The following FHIT variants were observed in gnomAD, a reference collection of about 807,000 sequenced individuals.
FHIT encodes the protein bis(5'-adenosyl)-triphosphatase.
FHIT carries 19 observed loss-of-function variants against 17.9 expected under a neutral mutation model. That is an observed-to-expected ratio of 1.06 (90% confidence interval 0.74 to 1.56). The LOEUF is 1.56. FHIT is among the 40% of genes most tolerant of loss of function. The pLI, the probability that FHIT is intolerant of heterozygous loss-of-function variation, is 0.00. For synonymous variants in FHIT, 81 were observed against 69.7 expected (o/e 1.16, Z -0.81); for missense variants, 248 against 189.2 (o/e 1.31, Z -1.82).
At chr3:60,799,810 C>A (rs1418334864) in intron 4 of FHIT, among the ~76,000 whole-genome samples, 3 of 152,134 alleles carry the variant, frequency 2.0e-5, no homozygotes, top group African/African-American at 7.2e-5. Flanking sequence ...TCCTTCACAG[C>A]CATAGGAAGA....
chr3:60,370,330 C>T (rs1700277934), intron 5 of FHIT, among the ~76,000 whole-genome samples: 1 of 152,190 alleles, frequency 6.6e-6, no homozygotes, highest in African/African-American at 2.4e-5. Context: ...ACACTTTCAG[C>T]TATCTTAGAA....
intron 2 of FHIT, among the ~76,000 whole-genome samples, chr3:61,136,807 TATA>T (rs141019288): frequency 9.1e-4 from 139 of 152,310 alleles, no homozygotes; most frequent in African/African-American, 3.2e-3. Context: ...ATCATGCTGT[TATA>T]ATAATTAGGA....
At chr3:60,625,195 G>A (rs891373675) in intron 4 of FHIT, among the ~76,000 whole-genome samples, 11 of 152,132 alleles carry the variant, frequency 7.2e-5, no homozygotes, top group Non-Finnish European at 1.6e-4. Context: ...AGGCATGAAC[G>A]ACCACGCCTG....
intron 2 of FHIT, among the ~76,000 whole-genome samples, chr3:61,140,029 A>AT (rs1165255176): frequency 6.6e-6 from 1 of 152,026 alleles, no homozygotes; most frequent in East Asian, 1.9e-4. Context: ...AAGCAAAAAA[A>AT]AAAAAAAAAT....
Position 60,458,951 on chromosome 3 carries a change from AT to A in FHIT, c.103+77908del, listed in dbSNP as rs5742127. Among the ~76,000 whole-genome samples, 651 of 147,610 alleles carry A rather than the reference AT, an allele frequency of 4.4e-3. 2 individuals are homozygous for A. Among genetic ancestry groups the A allele is most frequent in the African/African-American group, 0.011 (436 of 40,660 alleles). Reference sequence around the variant, plus strand: ...CCACCACACCTGGCTAATTTGTCTTATTTTTTTTTTTTTAGAAACAAAGTCT... The same window carrying A: ...CCACCACACCTGGCTAATTTGTCTTATTTTTTTTTTTTAGAAACAAAGTCT... On this transcript the variant is annotated intron_variant, in intron 5 of 9. Transcript: ENST00000492590.
intron 4 of FHIT, among the ~76,000 whole-genome samples, chr3:60,691,946 A>G (rs2041001911): frequency 6.6e-6 from 1 of 152,108 alleles, no homozygotes; most frequent in Non-Finnish European, 1.5e-5. Flanking sequence ...CTTGTCCATA[A>G]TGATTTCTTT....
At chr3:60,331,327 C>A (rs1251888557) in intron 5 of FHIT, among the ~76,000 whole-genome samples, 1 of 152,128 alleles carries the variant, frequency 6.6e-6, no homozygotes, top group East Asian at 1.9e-4. Context: ...CCCCTCTCCC[C>A]ACATGTCCCT....
intron 7 of FHIT, among the ~76,000 whole-genome samples, chr3:59,944,558 G>A (rs952752733): frequency 6.6e-6 from 1 of 151,328 alleles, no homozygotes; most frequent in African/African-American, 2.4e-5. Context: ...AAGAGTTTAA[G>A]CGCAAGTTTG....
intron 5 of FHIT, among the ~76,000 whole-genome samples, chr3:60,425,234 G>A (rs1702619344): frequency 6.6e-6 from 1 of 152,122 alleles, no homozygotes; most frequent in African/African-American, 2.4e-5. Context: ...GATGGAAATG[G>A]CCACTTGGCT....
chr3:60,304,993 A>T (rs1708607503), intron 5 of FHIT, among the ~76,000 whole-genome samples: 1 of 152,170 alleles, frequency 6.6e-6, no homozygotes, highest in African/African-American at 2.4e-5. Context: ...GGATACAGAC[A>T]TTGAATGTAG....
intron 7 of FHIT, among the ~76,000 whole-genome samples, chr3:59,966,390 A>T (rs1707927924): frequency 6.6e-6 from 1 of 152,198 alleles, no homozygotes; most frequent in Non-Finnish European, 1.5e-5. Flanking sequence ...TCTCTTTATC[A>T]AAAGAACTAA....
intron 4 of FHIT, among the ~76,000 whole-genome samples, chr3:60,631,421 T>G (rs1224589039): frequency 6.6e-6 from 1 of 152,178 alleles, no homozygotes; most frequent in Non-Finnish European, 1.5e-5. Context: ...CTAACTATTA[T>G]TCTGATTTAC....
chr3:60,806,140 C>A (rs1354708467), intron 4 of FHIT, among the ~76,000 whole-genome samples: 2 of 152,178 alleles, frequency 1.3e-5, no homozygotes, highest in Non-Finnish European at 2.9e-5. Context: ...CTCAAATACA[C>A]AACTATTTTA....
intron 5 of FHIT, among the ~76,000 whole-genome samples, chr3:60,492,754 G>A (rs756970593): frequency 2.2e-4 from 33 of 152,132 alleles, no homozygotes; most frequent in African/African-American, 6.7e-4. Flanking sequence ...TGATCCACCC[G>A]CCTCTCTCCC....
intron 3 of FHIT, among the ~76,000 whole-genome samples, chr3:60,989,122 C>A (rs959495736): frequency 1.3e-5 from 2 of 152,000 alleles, no homozygotes; most frequent in South Asian, 4.2e-4. Context: ...GACAGCATAC[C>A]CCCATGAAGA....
At chr3:59,925,478 A>C (rs552555885) in intron 7 of FHIT, among the ~76,000 whole-genome samples, 23 of 152,242 alleles carry the variant, frequency 1.5e-4, no homozygotes, top group Admixed American at 4.6e-4. Context: ...GTCCTCAGGA[A>C]TATGCCTGTT....
intron 3 of FHIT, among the ~76,000 whole-genome samples, chr3:60,876,847 G>A (rs951514831): frequency 4.6e-5 from 7 of 152,234 alleles, no homozygotes; most frequent in South Asian, 2.1e-4. Flanking sequence ...ATACATCAAA[G>A]GAGTAACAGA....
intron 4 of FHIT, among the ~76,000 whole-genome samples, chr3:60,782,219 T>TTGTGTG (rs538033687): frequency 6.9e-6 from 1 of 144,154 alleles, no homozygotes; most frequent in African/African-American, 2.7e-5. Context: ...GAATATTTCA[T>TTGTGTG]TGTGTGTGTG....
chr3:60,841,692 A>G (rs1702728132), intron 3 of FHIT, among the ~76,000 whole-genome samples: 1 of 152,196 alleles, frequency 6.6e-6, no homozygotes. Flanking sequence ...CCGCAAATGA[A>G]GGATTTAAAA....
Sources: gnomAD v4.1 joint callset for allele counts (sites outside exome capture counted in the v4.1 genomes callset) on GRCh38, gnomAD v4.1.1 for gene constraint, MANE v1.5 for transcripts, NCBI Gene and HGNC (gene_info 2026-07-23, HGNC 2026-07-21) for gene names.